The following C18orf63 variants were observed in gnomAD, a reference collection of about 807,000 sequenced individuals.
C18orf63 encodes chromosome 18 open reading frame 63, also known as uncharacterized protein C18orf63.
A neutral mutation model predicts 75.3 loss-of-function variants in C18orf63; 50 were observed. The observed-to-expected ratio is 0.66, with a 90% CI of 0.53 to 0.84. The LOEUF (loss-of-function observed/expected upper bound fraction) is 0.84. C18orf63 is among the 40% of genes least tolerant of loss of function. C18orf63 has a pLI of 0.00. For missense variants in C18orf63, 732 were observed against 800.2 expected, an observed-to-expected ratio of 0.91 and a Z score of 1.03; for synonymous variants, 232 against 267.6, an observed-to-expected ratio of 0.87 and a Z score of 1.30.
intron 4 of C18orf63, among the ~76,000 whole-genome samples, chr18:74,324,673 C>A (rs181790150): frequency 1.3e-5 from 2 of 152,256 alleles, no homozygotes; most frequent in South Asian, 2.1e-4. Context: ...GAAAATATCA[C>A]CCATAGTCCT....
intron 2 of C18orf63, among the ~76,000 whole-genome samples, chr18:74,319,258 A>G (rs1193207760): frequency 1.3e-5 from 2 of 150,562 alleles, no homozygotes; most frequent in Non-Finnish European, 2.9e-5. Context: ...CCGGTAATTG[A>G]CAGAGAGTCT....
intron 11 of C18orf63, among the ~76,000 whole-genome samples, chr18:74,344,059 G>C (rs553919106): frequency 6.6e-6 from 1 of 152,184 alleles, no homozygotes; most frequent in East Asian, 1.9e-4. Flanking sequence ...TAAGATGCCT[G>C]CCCCTCACCA....
intron 8 of C18orf63, among the ~76,000 whole-genome samples, chr18:74,340,960 T>A (rs1202977074): frequency 6.6e-6 from 1 of 152,018 alleles, no homozygotes; most frequent in Non-Finnish European, 1.5e-5. Context: ...CTGACTATAG[T>A]TAATAAAAAT....
chr18:74,338,268 C>A (rs1007399839), intron 7 of C18orf63, among the ~76,000 whole-genome samples: 6 of 152,038 alleles, frequency 3.9e-5, no homozygotes, highest in Admixed American at 1.3e-4. Flanking sequence ...TAAAAGGAGA[C>A]TGGAGCATTG....
intron 2 of C18orf63, 143 bp from the exon 3 acceptor site, chr18:74,320,368 CAG>C (rs938772138): frequency 3.1e-5 from 16 of 518,382 alleles, no homozygotes; most frequent in South Asian, 1.1e-4. Context: ...ACTAGAGCAA[CAG>C]GGGGGAAATC....
At chr18:74,347,397 T>C (rs1984591629) in intron 11 of C18orf63, among the ~76,000 whole-genome samples, 1 of 152,246 alleles carries the variant, frequency 6.6e-6, no homozygotes, top group African/African-American at 2.4e-5. Context: ...TCAGAGTTGT[T>C]CTGCACTGGT....
intron 4 of C18orf63, among the ~76,000 whole-genome samples, chr18:74,326,898 G>C (rs8097474): frequency 0.037 from 5,615 of 152,172 alleles, 353 homozygotes; most frequent in African/African-American, 0.13. Flanking sequence ...GCCCATGTAA[G>C]TATGTATTGT....
intron 4 of C18orf63, among the ~76,000 whole-genome samples, chr18:74,325,816 G>T (rs1984198014): frequency 6.6e-6 from 1 of 152,202 alleles, no homozygotes; most frequent in Non-Finnish European, 1.5e-5. Context: ...CACTCACATA[G>T]AAAAGGTGGT....
intron 11 of C18orf63, among the ~76,000 whole-genome samples, chr18:74,350,711 T>C (rs1410619348): frequency 2.6e-5 from 4 of 152,352 alleles, no homozygotes; most frequent in Non-Finnish European, 5.9e-5. Flanking sequence ...AGTAAGCCAG[T>C]AATTCTTCCT....
chr18:74,336,277 G>A (rs1465895296), intron 7 of C18orf63, among the ~76,000 whole-genome samples: 1 of 151,844 alleles, frequency 6.6e-6, no homozygotes, highest in Non-Finnish European at 1.5e-5. Context: ...GAGCCTTACA[G>A]AAATAGAAAC....
chr18:74,322,162 A>G lies in C18orf63; in HGVS notation c.214-536A>G, dbSNP rs545371458. On this transcript the variant is annotated intron_variant, in intron 3 of 13. Coordinates refer to ENST00000579455, the MANE Select transcript of C18orf63 (RefSeq NM_001174123.2). ...TTTAAACTATAATATAGATACTGCT[A>G]AATTGCTGTCTGAAAAGCTTTTTGC... Among the ~76,000 whole-genome samples, 3 of 152,322 alleles carry G rather than the reference A, an allele frequency of 2.0e-5. No individual in the cohort carries two copies. The South Asian group carries it at 6.2e-4, about 32-fold the overall frequency.
chr18:74,339,619 C>G (rs1040151775), intron 8 of C18orf63, among the ~76,000 whole-genome samples: 1 of 152,072 alleles, frequency 6.6e-6, no homozygotes, highest in African/African-American at 2.4e-5. Context: ...TTCTGTTCAA[C>G]ATAGTACTAG....
At chr18:74,335,931 TG>T (rs888350112) in intron 7 of C18orf63, among the ~76,000 whole-genome samples, 2 of 152,122 alleles carry the variant, frequency 1.3e-5, no homozygotes, top group African/African-American at 4.8e-5. Flanking sequence ...TTACTGGCAG[TG>T]CCTCTTTGGC....
chr18:74,339,154 A>G (rs910338773), intron 8 of C18orf63, among the ~76,000 whole-genome samples: 4 of 152,122 alleles, frequency 2.6e-5, no homozygotes, highest in Admixed American at 2.0e-4. Flanking sequence ...ATAATGATTC[A>G]TTATAATTTG....
At position 74,317,997 on chromosome 18, in the gene C18orf63, C is replaced by T; in HGVS notation, c.132C>T (p.Cys44=). ...TTAGGACTATACAAATGAAGATGTGCAGGTAAAAAAATACATCTTATAACT... is the reference window on the plus strand; with the variant it reads ...TTAGGACTATACAAATGAAGATGTGTAGGTAAAAAAATACATCTTATAACT... The part of the protein sequence containing the change: ...TEIRTIQMKM[C]RQLLFLHQDI... Residue 44 remains cysteine, a splice_region_variant and synonymous_variant, in exon 2 of 14, where the codon TGC becomes TGT. Transcript: ENST00000579455. 6.8e-7 allele frequency: 1 copy of T among 1,479,122 alleles called. No homozygotes were observed. Among genetic ancestry groups the T allele is most frequent in the South Asian group, 1.4e-5 (1 of 71,970 alleles). 91.6% of individuals were successfully genotyped at this position (1,479,122 alleles called of 1,614,324 possible).
chr18:74,317,772 T>A, intron 1 of C18orf63, 62 bp from the exon 2 acceptor site: 1 of 924,528 alleles, frequency 1.1e-6, no homozygotes, highest in Non-Finnish European at 1.5e-6. Context: ...GTGTGCTGAC[T>A]TGGTATTGGA....
intron 10 of C18orf63, among the ~76,000 whole-genome samples, chr18:74,343,093 C>CA (rs1984515543): frequency 6.6e-6 from 1 of 152,138 alleles, no homozygotes; most frequent in Non-Finnish European, 1.5e-5. Flanking sequence ...ACTGCTTTCT[C>CA]AAAGAACTGC....
chr18:74,320,946 C>T lies in C18orf63; in HGVS notation c.213+355C>T, dbSNP rs561177971. Among the ~76,000 whole-genome samples, 77 of 152,172 alleles carry T rather than the reference C, an allele frequency of 5.1e-4. 3 individuals carry two copies. The highest frequency in any genetic ancestry group is 1.7e-3 in the African/African-American group (72 of 41,520). On this transcript the variant is annotated intron_variant, in intron 3 of 13. Coordinates refer to ENST00000579455, the MANE Select transcript of C18orf63 (RefSeq NM_001174123.2). ...AAAAATTTCTCATTTCAACAAATCT[C>T]CAGTTGTTTTTAAAGAACTTGGATC...
rs976990817 is a variant in C18orf63 at position 74,353,684 on chromosome 18, A to G, written c.1417A>G (p.Thr473Ala). ...VTQSKLFSLK[T>A]SMIQHDKLNL... ...ACAATCTAAATTGTTTTCACTCAAA[A>G]CTAGTATGATCCAGCATGACAAACT... The change falls in exon 12 of 14, where the codon ACT becomes GCT. Residue 473 changes from threonine to alanine, a missense_variant. Physicochemically the swap from Thr to Ala is moderately conservative, Grantham distance 58. This residue lies in a region of C18orf63 where 495 missense variants were observed against 508.7 expected (regional missense o/e 0.97). Coordinates refer to ENST00000579455, the MANE Select transcript of C18orf63 (RefSeq NM_001174123.2). The G allele has an allele frequency of 7.2e-6, 11 of 1,535,984 alleles. No homozygotes were observed. Among genetic ancestry groups the G allele is most frequent in the African/African-American group, 1.4e-5 (1 of 73,014 alleles).
Sources: gnomAD v4.1 joint callset for allele counts (sites outside exome capture counted in the v4.1 genomes callset) on GRCh38, gnomAD v4.1.1 for gene constraint, gnomAD v4.1.1 regional missense constraint, MANE v1.5 for transcripts, NCBI Gene and HGNC (gene_info 2026-07-23, HGNC 2026-07-21) for gene names.